GASK1A: variants seen among roughly 807,000 people sequenced by gnomAD.
The protein encoded by GASK1A is golgi associated kinase 1A, also known as Golgi-associated kinase 1A.
GASK1A carries 40 observed loss-of-function variants against 41.2 expected under a neutral mutation model. That is an observed-to-expected ratio of 0.97 (90% confidence interval 0.75 to 1.27). The LOEUF is 1.27. Ranked by LOEUF, GASK1A falls within the 50% of genes most tolerant of loss-of-function variation. The pLI is 0.00. For missense variants in GASK1A, 678 were observed against 745.1 expected (o/e 0.91, Z 1.05); for synonymous variants, 316 against 307.1 (o/e 1.03, Z -0.30).
At chr3:42,992,685 A>T in intron 1 of GASK1A, among the ~76,000 whole-genome samples, 1 of 152,170 alleles carries the variant, frequency 6.6e-6, no homozygotes, top group East Asian at 1.9e-4. Flanking sequence ...CTGGAAACAG[A>T]GGAAGGGGAA....
chr3:42,991,216 G>C lies in GASK1A; in HGVS notation c.3+11571G>C, dbSNP rs111776441. On this transcript the variant is annotated intron_variant, in intron 1 of 4. Transcript: ENST00000430121. ...AGACAAGGTCTCACTTTGTTGCCCA[G>C]GCTGGTCTCAAACTCCTGGCCTCAA... Among the ~76,000 whole-genome samples, 723 of 152,134 alleles carry C rather than the reference G, an allele frequency of 4.8e-3. 3 individuals carry two copies. Among genetic ancestry groups the C allele is most frequent in the African/African-American group, 0.016 (669 of 41,498 alleles).
chr3:43,008,986 T>C (rs539335237), intron 1 of GASK1A, among the ~76,000 whole-genome samples: 1 of 152,330 alleles, frequency 6.6e-6, no homozygotes, highest in Admixed American at 6.5e-5. Context: ...TTAATAATCA[T>C]GAGATTTAAT....
At chr3:43,050,223 CTG>C (rs1282460952) in intron 2 of GASK1A, among the ~76,000 whole-genome samples, 1 of 152,144 alleles carries the variant, frequency 6.6e-6, no homozygotes, top group Non-Finnish European at 1.5e-5. Flanking sequence ...ACAATAAACT[CTG>C]TTTTTGTTGT....
At chr3:43,019,814 C>T (rs1453828821) in intron 1 of GASK1A, among the ~76,000 whole-genome samples, 1 of 151,924 alleles carries the variant, frequency 6.6e-6, no homozygotes, top group Non-Finnish European at 1.5e-5. Context: ...TCCCTCTACC[C>T]CTTCTCCCAC....
chr3:42,979,331 G>C lies in GASK1A; in HGVS notation c.-312G>C, dbSNP rs756836816. On this transcript the variant is annotated 5_prime_UTR_variant, in exon 1 of 5. Transcript: ENST00000430121. ...CAGGGACTTTGCAAACTCTGCAAAA[G>C]TCCCGAGTAGACCGCAGAGGCTCGC... 5.7e-6 allele frequency: 2 copies of C among 348,640 alleles called. No individual in the cohort carries two copies. Among genetic ancestry groups the C allele is most frequent in the Non-Finnish European group, 1.0e-5 (2 of 194,598 alleles). The allele number at this position is 348,640 out of a possible 1,614,324, so 21.6% of individuals were successfully genotyped here. A position where few individuals can be genotyped will look rare whatever the true frequency, so the allele number is the denominator to read the frequency against.
chr3:43,017,646 T>G (rs113042345), intron 1 of GASK1A, among the ~76,000 whole-genome samples: 3,704 of 145,784 alleles, frequency 0.025, 72 homozygotes, highest in Middle Eastern at 0.061. Flanking sequence ...AGGGGCAGTG[T>G]GAAGTCACAG....
intron 2 of GASK1A, among the ~76,000 whole-genome samples, chr3:43,049,107 G>T (rs1383884669): frequency 2.6e-5 from 4 of 152,204 alleles, no homozygotes; most frequent in Non-Finnish European, 4.4e-5. Context: ...TGGGTGTGCA[G>T]GGTACTTGGA....
rs948082155 is a variant in GASK1A at position 43,050,807 on chromosome 3, A to T, written c.1291-2714A>T. 2.0e-5 allele frequency among the ~76,000 whole-genome samples: 3 copies of T among 152,102 alleles called. No individual in the cohort carries two copies. In the East Asian group the frequency reaches 5.8e-4, roughly 29 times the overall value. ...CTCATAACTGCTGTTCGATCCTCTC[A>T]GTGAATTTTTAAAAGTTGTTGTACT... is the stretch of plus-strand genomic sequence containing the variant. On this transcript the variant is annotated intron_variant, in intron 2 of 4. Coordinates refer to ENST00000430121, the MANE Select transcript of GASK1A (RefSeq NM_001129908.3).
intron 1 of GASK1A, among the ~76,000 whole-genome samples, chr3:42,996,115 G>A (rs2089367881): frequency 9.2e-6 from 1 of 108,338 alleles, no homozygotes; most frequent in Non-Finnish European, 2.1e-5. Flanking sequence ...AGGGCAACCA[G>A]CAAACAGGGG....
intron 2 of GASK1A, among the ~76,000 whole-genome samples, chr3:43,039,497 C>G (rs956515705): frequency 7.9e-5 from 12 of 152,208 alleles, no homozygotes; most frequent in Admixed American, 2.0e-4. Flanking sequence ...GCCACTGTGC[C>G]TAGCCTAGGT....
At chr3:42,990,265 G>T (rs2089333158) in intron 1 of GASK1A, among the ~76,000 whole-genome samples, 1 of 151,664 alleles carries the variant, frequency 6.6e-6, no homozygotes, top group Non-Finnish European at 1.5e-5. Context: ...TGGGAGGATT[G>T]CTTGGGCCCA....
At chr3:43,004,743 G>T (rs1205588009) in intron 1 of GASK1A, among the ~76,000 whole-genome samples, 1 of 152,170 alleles carries the variant, frequency 6.6e-6, no homozygotes, top group Non-Finnish European at 1.5e-5. Flanking sequence ...ATTTTGGTGA[G>T]ATCAGTGTTT....
intron 2 of GASK1A, among the ~76,000 whole-genome samples, chr3:43,048,282 C>T (rs567827227): frequency 3.3e-5 from 5 of 152,186 alleles, no homozygotes; most frequent in South Asian, 4.1e-4. Flanking sequence ...TGTGCTACTC[C>T]GTAACTTGAT....
At chr3:43,005,124 C>T (rs928061614) in intron 1 of GASK1A, among the ~76,000 whole-genome samples, 13 of 152,206 alleles carry the variant, frequency 8.5e-5, no homozygotes, top group Non-Finnish European at 1.6e-4. Flanking sequence ...TAAAAGGATA[C>T]TTGTGATTAC....
rs939371168 is a variant in GASK1A at position 43,056,252 on chromosome 3, C to G, written c.1594C>G (p.Pro532Ala). Reference sequence around the variant, plus strand: ...GCTGCTGAAGTCGCTGCAGATGGACCCAGTGTTCTGGGAAAGCCAAGGCGG... The same window carrying G: ...GCTGCTGAAGTCGCTGCAGATGGACGCAGTGTTCTGGGAAAGCCAAGGCGG... ...NMLLKSLQMD[P>A]VFWESQGGAQ... Residue 532 changes from proline to alanine, a missense_variant, in exon 5 of 5, where the codon CCA becomes GCA. Coordinates refer to ENST00000430121, the MANE Select transcript of GASK1A (RefSeq NM_001129908.3). 1 of 1,551,566 alleles carries G rather than the reference C, an allele frequency of 6.4e-7. No homozygotes were observed. The highest frequency in any genetic ancestry group is 1.4e-5 in the African/African-American group (1 of 73,048).
At chr3:43,052,014 G>C (rs2089693639) in intron 2 of GASK1A, among the ~76,000 whole-genome samples, 1 of 152,146 alleles carries the variant, frequency 6.6e-6, no homozygotes, top group African/African-American at 2.4e-5. Context: ...TGCAGCCTGA[G>C]AGTTAGATAC....
intron 1 of GASK1A, among the ~76,000 whole-genome samples, chr3:43,027,384 G>C (rs1230261935): frequency 6.6e-6 from 1 of 152,132 alleles, no homozygotes; most frequent in African/African-American, 2.4e-5. Context: ...ATTGGATGGG[G>C]GATGAAGGCA....
rs1238613842 is a variant in GASK1A at position 42,979,511 on chromosome 3, C to T, written c.-132C>T. 3.8e-6 allele frequency: 4 copies of T among 1,044,386 alleles called. No homozygotes were observed. Among genetic ancestry groups the T allele is most frequent in the South Asian group, 4.8e-5 (1 of 20,686 alleles). The allele number at this position is 1,044,386 out of a possible 1,614,324, so 64.7% of individuals were successfully genotyped here. On this transcript the variant is annotated 5_prime_UTR_variant, in exon 1 of 5. Transcript: ENST00000430121. Reference sequence around the variant, plus strand: ...GTGTGCACCTTCAGTCCGGGAAACCCGCCCCAGCCGAGTAGCCGCGCATCC... The same window carrying T: ...GTGTGCACCTTCAGTCCGGGAAACCTGCCCCAGCCGAGTAGCCGCGCATCC...
chr3:43,050,715 C>G (rs1372713564), intron 2 of GASK1A, among the ~76,000 whole-genome samples: 1 of 151,764 alleles, frequency 6.6e-6, no homozygotes, highest in African/African-American at 2.4e-5. Flanking sequence ...TTTTTTTCTT[C>G]TTATTCCTCA....
Sources: allele counts gnomAD v4.1 joint callset (sites outside exome capture counted in the v4.1 genomes callset), GRCh38; gene constraint gnomAD v4.1.1; transcripts MANE v1.5; gene names NCBI Gene and HGNC (gene_info 2026-07-23, HGNC 2026-07-21).